Variants in SACM1L observed in about 807,000 individuals in gnomAD.
SACM1L encodes the protein phosphatidylinositol-3-phosphatase SAC1.
In SACM1L, 32 loss-of-function variants were observed where a neutral mutation model predicts 89.5. The observed-to-expected ratio is 0.36, with a 90% CI of 0.27 to 0.48. The LOEUF (loss-of-function observed/expected upper bound fraction) is 0.48. SACM1L is among the 20% of genes least tolerant of loss of function. SACM1L has a pLI of 0.99. For missense variants in SACM1L, 543 were observed against 708.5 expected (o/e 0.77, Z 2.65); for synonymous variants, 213 against 232.8 (o/e 0.92, Z 0.77).
chr3:45,732,214 T>C, intron 13 of SACM1L, 63 bp downstream of exon 13: 1 of 880,296 alleles, frequency 1.1e-6, no homozygotes, highest in East Asian at 2.6e-5. Context: ...TCATATTTTA[T>C]TATGCGTCAT....
rs2271618 is a variant in SACM1L, at chr3:45,713,356, A to G, written c.543+160A>G. ...TGGATCAGGTCTACCCTGTCACATC[A>G]TTCTAGGTTGAAGAAGCCTAACTAT... is the stretch of plus-strand genomic sequence containing the variant. On this transcript the variant is annotated intron_variant, in intron 6 of 19. Transcript: ENST00000389061. 2.3e-5 allele frequency: 12 copies of G among 520,412 alleles called. No individual in the cohort carries two copies. The East Asian group carries it at 3.9e-4, about 17-fold the overall frequency. 32.2% of individuals were successfully genotyped at this position (520,412 alleles called of 1,614,324 possible).
rs1699378129 is a variant in SACM1L, at chr3:45,744,241, G to C, written c.*572G>C. The stretch of plus-strand genomic sequence containing the variant: ...ATAGGAAAGAGGAGGATGAGGTCTG[G>C]GGTTCTTTAAAGTCTCTGGTGGGCT... On this transcript the variant is annotated 3_prime_UTR_variant, in exon 20 of 20. Transcript: ENST00000389061. The C allele has an allele frequency of 6.6e-6, 1 of 152,306 alleles. No homozygotes were observed. The highest frequency in any genetic ancestry group is 2.4e-5 in the African/African-American group (1 of 41,396). 9.4% of individuals were successfully genotyped at this position (152,306 alleles called of 1,614,324 possible).
chr3:45,709,909 T>C (rs1260216173), intron 5 of SACM1L, among the ~76,000 whole-genome samples: 2 of 152,196 alleles, frequency 1.3e-5, no homozygotes. Flanking sequence ...TGTAAGTTAT[T>C]AGAGGAAAAT....
chr3:45,709,589 C>A lies in SACM1L; in HGVS notation c.425C>A (p.Thr142Asn). Residue 142 changes from threonine (T) to asparagine (N), a missense_variant, in exon 5 of 20, where the codon ACT becomes AAT. Physicochemically the swap from Thr to Asn is moderately conservative, Grantham distance 65. Around this residue, in one of 2 missense-constraint regions of SACM1L, gnomAD observed 173 missense variants for 180.9 expected, o/e 0.96. Transcript: ENST00000389061. The stretch of plus-strand genomic sequence containing the variant: ...TCAACAACATATGATTTGACCCATA[C>A]TTTGCAGCGGCTATCCAACACTAGT... ...YFSTTYDLTH[T>N]LQRLSNTSPE... 2.5e-6 allele frequency: 4 copies of A among 1,613,904 alleles called. No individual in the cohort carries two copies. In the African/African-American group the frequency reaches 5.3e-5, roughly 22 times the overall value.
chr3:45,694,025 G>A (rs554238599), intron 1 of SACM1L, among the ~76,000 whole-genome samples: 1 of 152,296 alleles, frequency 6.6e-6, no homozygotes, highest in Admixed American at 6.5e-5. Context: ...CGGCGTAGGT[G>A]TCACATTTCC....
At chr3:45,723,669 A>G (rs1698841068) in intron 11 of SACM1L, 126 bp downstream of exon 11, 1 of 332,618 alleles carries the variant, frequency 3.0e-6, no homozygotes, top group Admixed American at 4.9e-5. Context: ...ATGTGCAGCC[A>G]TCATCACTGT....
chr3:45,724,145 A>G (rs1698855407), intron 11 of SACM1L, among the ~76,000 whole-genome samples: 1 of 152,180 alleles, frequency 6.6e-6, no homozygotes, highest in Non-Finnish European at 1.5e-5. Context: ...TATACTTAGA[A>G]GTAGAATTGC....
chr3:45,724,045 T>C (rs1698852337), intron 11 of SACM1L, among the ~76,000 whole-genome samples: 1 of 152,122 alleles, frequency 6.6e-6, no homozygotes, highest in Non-Finnish European at 1.5e-5. Flanking sequence ...TGGGTTGTTT[T>C]CATTTTTTGG....
intron 7 of SACM1L, among the ~76,000 whole-genome samples, chr3:45,718,035 A>T (rs564403451): frequency 2.2e-3 from 334 of 152,368 alleles, no homozygotes; most frequent in African/African-American, 7.4e-3. Context: ...TCAGATGAGG[A>T]GTATACTCTG....
chr3:45,710,421 G>C (rs1358403951), intron 5 of SACM1L, among the ~76,000 whole-genome samples: 1 of 150,876 alleles, frequency 6.6e-6, no homozygotes, highest in Non-Finnish European at 1.5e-5. Context: ...TTGAACTCCT[G>C]GCCTCAAGTG....
At position 45,703,019 on chromosome 3, in the gene SACM1L, G is replaced by A. The variant is rs3774653; in HGVS notation, c.33-419G>A. Among the ~76,000 whole-genome samples the A allele has an allele frequency of 4.3e-4, 66 of 152,202 alleles. No individual in the cohort carries two copies. The East Asian group carries it at 0.012, about 28-fold the overall frequency. On this transcript the variant is annotated intron_variant, in intron 1 of 19. Coordinates refer to ENST00000389061, the MANE Select transcript of SACM1L (RefSeq NM_014016.5). ...AAAGATTAGCTCATTTAATTCACAC[G>A]ATGCTGCGTGATGAATCTGGTATTA...
chr3:45,723,441 A>T, intron 10 of SACM1L, 34 bp from the exon 11 acceptor site: 1 of 917,184 alleles, frequency 1.1e-6, no homozygotes, highest in East Asian at 2.9e-5. Flanking sequence ...TACATAATGT[A>T]CTCCAGTAAA....
Position 45,689,433 on chromosome 3 carries a change from G to T in SACM1L, c.-33G>T. On this transcript the variant is annotated 5_prime_UTR_variant, in exon 1 of 20. Transcript: ENST00000389061. ...GAGGTGGCGGCGCGGGGCGGGGCGG[G>T]CGGAGAGAGAAGGAAGGAGGTGGTT... The T allele has an allele frequency of 6.4e-7, 1 of 1,555,258 alleles. No individual in the cohort carries two copies.
intron 2 of SACM1L, among the ~76,000 whole-genome samples, chr3:45,704,790 C>T (rs905330104): frequency 7.9e-5 from 12 of 152,300 alleles, no homozygotes; most frequent in African/African-American, 2.2e-4. Context: ...AATACTTCCA[C>T]GCAAAGTCAG....
intron 4 of SACM1L, among the ~76,000 whole-genome samples, chr3:45,707,638 C>G (rs1391445879): frequency 6.6e-6 from 1 of 152,198 alleles, no homozygotes; most frequent in African/African-American, 2.4e-5. Context: ...TGCAGGCGAA[C>G]TGACCGACAT....
At chr3:45,709,116 A>G (rs1312251330) in intron 4 of SACM1L, among the ~76,000 whole-genome samples, 1 of 152,202 alleles carries the variant, frequency 6.6e-6, no homozygotes, top group African/African-American at 2.4e-5. Context: ...GAAGATAGCT[A>G]TGCTAACTTA....
At position 45,727,603 on chromosome 3, in the gene SACM1L, CAATTTTTTTA is replaced by C. The variant is rs911154338; in HGVS notation, c.922-3689_922-3680del. On this transcript the variant is annotated intron_variant, in intron 11 of 19. Coordinates refer to ENST00000389061, the MANE Select transcript of SACM1L (RefSeq NM_014016.5). ...GAAAGTAGGGTATTGAAGTTTCCTA[CAATTTTTTTA>C]AATTTTTTATTTATTTATTTTTGGA... Among the ~76,000 whole-genome samples, 391 of 152,162 alleles carry C rather than the reference CAATTTTTTTA, an allele frequency of 2.6e-3. 1 individual carries two copies. The highest frequency in any genetic ancestry group is 3.9e-3 in the Non-Finnish European group (264 of 67,990).
At chr3:45,704,250 T>C (rs1698336288) in intron 2 of SACM1L, among the ~76,000 whole-genome samples, 1 of 152,218 alleles carries the variant, frequency 6.6e-6, no homozygotes, top group African/African-American at 2.4e-5. Context: ...TATTTATTTT[T>C]TTCTTAAAGT....
At chr3:45,725,831 G>GT (rs897840683) in intron 11 of SACM1L, among the ~76,000 whole-genome samples, 1 of 151,878 alleles carries the variant, frequency 6.6e-6, no homozygotes, top group African/African-American at 2.4e-5. Flanking sequence ...CTAGCTGTGG[G>GT]TTTTTCACAT....
Sources: allele counts gnomAD v4.1 joint callset (sites outside exome capture counted in the v4.1 genomes callset), GRCh38; gene constraint gnomAD v4.1.1; regional missense constraint gnomAD v4.1.1; transcripts MANE v1.5; gene names NCBI Gene and HGNC (gene_info 2026-07-23, HGNC 2026-07-21).